Variants in ACAN observed in about 807,000 individuals in gnomAD.
ACAN encodes aggrecan.
In ACAN, 47 loss-of-function variants were observed where a neutral mutation model predicts 169.1. The ratio of observed to expected loss-of-function variants is 0.28; its 90% confidence interval spans 0.22 to 0.35. ACAN has a LOEUF of 0.35. Ranked by LOEUF, ACAN falls within the 10% of genes least tolerant of loss-of-function variation. The pLI is 1.00. For missense variants in ACAN, 2,716 were observed against 2,759.9 expected (o/e 0.98, Z 0.36); for synonymous variants, 1,115 against 1,112.2 (o/e 1.00, Z -0.05).
intron 1 of ACAN, among the ~76,000 whole-genome samples, chr15:88,825,027 T>TGGCCA (rs1896177760): frequency 6.6e-6 from 1 of 152,098 alleles, no homozygotes; most frequent in Admixed American, 6.5e-5. Context: ...TCCAGAAGTG[T>TGGCCA]GTGCTGGAAG....
chr15:88,831,611 C>T (rs886073049), intron 1 of ACAN, among the ~76,000 whole-genome samples: 1 of 152,024 alleles, frequency 6.6e-6, no homozygotes, highest in African/African-American at 2.4e-5. Context: ...CAGCAGCTAC[C>T]TTGTGAAGTT....
In ACAN at chr15:88,851,373, AGATGC is replaced by A; in HGVS notation, c.2027-420_2027-416del. On this transcript the variant is annotated intron_variant, in intron 10 of 18. Coordinates refer to ENST00000560601, the MANE Select transcript of ACAN (RefSeq NM_001369268.1). This position sits in a 1 kb window ranked among gnomAD's most constrained non-coding sequence, Gnocchi z 4.3. ...AGTTGAGAGCGTGGAGTCTGGTACC[AGATGC>A]TTAAATTCAAAGACTAGATCTGACA... 1 of 162,714 alleles carries A rather than the reference AGATGC, an allele frequency of 6.1e-6. No homozygotes were observed. The allele number at this position is 162,714 out of a possible 1,614,324, so 10.1% of individuals were successfully genotyped here.
In ACAN at chr15:88,851,691, G is replaced by T; in HGVS notation, c.2027-103G>T. 7.2e-7 allele frequency: 1 copy of T among 1,392,134 alleles called. No homozygotes were observed. The highest frequency in any genetic ancestry group is 1.5e-5 in the South Asian group (1 of 64,732). 86.2% of individuals were successfully genotyped at this position (1,392,134 alleles called of 1,614,324 possible). On this transcript the variant is annotated intron_variant, in intron 10 of 18. Transcript: ENST00000560601. This position sits in a 1 kb window ranked among gnomAD's most constrained non-coding sequence, Gnocchi z 4.3. ...GCCATCTGCTGAACTAGGAGGTGGG[G>T]CCTGGCCACCTCAGAGTCCCCTAGC...
Position 88,855,188 on chromosome 15 carries a change from G to A in ACAN, c.2603G>A (p.Gly868Asp), listed in dbSNP as rs372878138. 6.8e-6 allele frequency: 11 copies of A among 1,607,652 alleles called. No homozygotes were observed. The highest frequency in any genetic ancestry group is 1.7e-4 in the Middle Eastern group (1 of 6,054). Residue 868 changes from glycine (G) to aspartate (D), a missense_variant, in exon 12 of 19, where the codon GGT becomes GAT. Gly to Asp is a moderately conservative substitution (Grantham distance 94). This residue lies in a region of ACAN where 1,283 missense variants were observed against 1,281.5 expected (regional missense o/e 1.00). Transcript: ENST00000560601. Reference sequence around the variant, plus strand: ...GAATCTGGGGCCCCTGATGTCAGTGGTGACTTCACAGGCAGTGGAGATGTT... The same window carrying A: ...GAATCTGGGGCCCCTGATGTCAGTGATGACTTCACAGGCAGTGGAGATGTT... The part of the protein sequence containing the change: ...GEESGAPDVS[G>D]DFTGSGDVSG...
Position 88,839,118 on chromosome 15 carries a change from C to T in ACAN, c.454+72C>T, listed in dbSNP as rs780235394. 1.9e-5 allele frequency: 29 copies of T among 1,549,396 alleles called. No homozygotes were observed. The highest frequency in any genetic ancestry group is 2.4e-5 in the Non-Finnish European group (28 of 1,153,516). On this transcript the variant is annotated intron_variant, in intron 3 of 18. Transcript: ENST00000560601. This position sits in a 1 kb window ranked among gnomAD's most constrained non-coding sequence, Gnocchi z 4.5. ...ACCAGAGCAGTCTCCGCAGTGCAGGCGCAGGCAGGCTGGCCTTCAAACCAG... is the reference window on the plus strand; with the variant it reads ...ACCAGAGCAGTCTCCGCAGTGCAGGTGCAGGCAGGCTGGCCTTCAAACCAG...
chr15:88,843,449 C>G lies in ACAN; in HGVS notation c.852C>G (p.Gly284=). 2 of 1,610,516 alleles carry G rather than the reference C, an allele frequency of 1.2e-6. No individual in the cohort carries two copies. Among genetic ancestry groups the G allele is most frequent in the Non-Finnish European group, 1.7e-6 (2 of 1,178,010 alleles). Residue 284 remains glycine, a synonymous_variant, in exon 6 of 19, where the codon GGC becomes GGG. Coordinates refer to ENST00000560601, the MANE Select transcript of ACAN (RefSeq NM_001369268.1). This position sits in a 1 kb window ranked among gnomAD's most constrained non-coding sequence, Gnocchi z 4.0. ...RRLGARLATT[G]QLYLAWQAGM... Reference sequence around the variant, plus strand: ...TGGGTGCCCGGCTGGCCACCACGGGCCAGCTCTACCTGGCCTGGCAGGCTG... The same window carrying G: ...TGGGTGCCCGGCTGGCCACCACGGGGCAGCTCTACCTGGCCTGGCAGGCTG...
chr15:88,849,072 C>T lies in ACAN; in HGVS notation c.1733-366C>T, dbSNP rs1285155980. ...GGGTGCAAAGGGATTGGAGGGGGCCCAGGCGAGCTGCCTCGCTTAGCCAAG... is the reference window on the plus strand; with the variant it reads ...GGGTGCAAAGGGATTGGAGGGGGCCTAGGCGAGCTGCCTCGCTTAGCCAAG... On this transcript the variant is annotated intron_variant, in intron 9 of 18. Transcript: ENST00000560601. The surrounding 1 kb of genome is among the most constrained non-coding windows in gnomAD (Gnocchi z 5.1). Among the ~76,000 whole-genome samples the T allele has an allele frequency of 6.6e-6, 1 of 152,178 alleles. No individual in the cohort carries two copies. The highest frequency in any genetic ancestry group is 1.5e-5 in the Non-Finnish European group (1 of 68,030).
In ACAN at chr15:88,838,814, G is replaced by A; in HGVS notation, c.222G>A (p.Lys74=). The A allele has an allele frequency of 1.2e-6, 2 of 1,614,032 alleles. No homozygotes were observed. Among genetic ancestry groups the A allele is most frequent in the Non-Finnish European group, 1.7e-6 (2 of 1,179,896 alleles). The part of the protein sequence containing the change: ...PSTAPLAPRI[K]WSRVSKEKEV... ...CCGCCCCACTGGCCCCAAGAATCAA[G>A]TGGAGCCGTGTGTCCAAGGAGAAGG... Residue 74 remains lysine (K), a synonymous_variant, in exon 3 of 19, where the codon AAG becomes AAA. Transcript: ENST00000560601. This position sits in a 1 kb window ranked among gnomAD's most constrained non-coding sequence, Gnocchi z 5.1.
At chr15:88,825,111 G>T (rs1896180407) in intron 1 of ACAN, among the ~76,000 whole-genome samples, 1 of 152,174 alleles carries the variant, frequency 6.6e-6, no homozygotes, top group African/African-American at 2.4e-5. Flanking sequence ...ATGTGGCGGG[G>T]TTGAGGGTTT....
In ACAN at chr15:88,839,878, G is replaced by C. The variant is rs1296850974; in HGVS notation, c.455-134G>C. The C allele has an allele frequency of 1.0e-6, 1 of 998,520 alleles. No individual in the cohort carries two copies. The highest frequency in any genetic ancestry group is 1.5e-6 in the Non-Finnish European group (1 of 678,370). The allele number at this position is 998,520 out of a possible 1,614,324, so 61.9% of individuals were successfully genotyped here. On this transcript the variant is annotated intron_variant, in intron 3 of 18. Transcript: ENST00000560601. This position sits in a 1 kb window ranked among gnomAD's most constrained non-coding sequence, Gnocchi z 4.5. ...AGGATCACGTGCAAAGGTGTACAGGGAGTCATGCATCAGCCCAGACCAGCC... is the reference window on the plus strand; with the variant it reads ...AGGATCACGTGCAAAGGTGTACAGGCAGTCATGCATCAGCCCAGACCAGCC...
chr15:88,855,159 G>A lies in ACAN; in HGVS notation c.2574G>A (p.Gly858=), dbSNP rs2141602982. The A allele has an allele frequency of 6.2e-7, 1 of 1,609,184 alleles. No homozygotes were observed. Among genetic ancestry groups the A allele is most frequent in the Non-Finnish European group, 8.5e-7 (1 of 1,176,908 alleles). The change falls in exon 12 of 19, where the codon GGG becomes GGA. Residue 858 remains glycine, a synonymous_variant. Coordinates refer to ENST00000560601, the MANE Select transcript of ACAN (RefSeq NM_001369268.1). ...GCTGGACTGAGCTGCCCAGCTCTGG[G>A]GAGGAATCTGGGGCCCCTGATGTCA... is the stretch of plus-strand genomic sequence containing the variant. ...VPSWTELPSS[G]EESGAPDVSG... is the part of the protein sequence containing the mutation.
Position 88,839,910 on chromosome 15 carries a change from C to A in ACAN, c.455-102C>A. Reference sequence around the variant, plus strand: ...GCATCAGCCCAGACCAGCCAGTTCCCTAAGGTCCCTTTGACTATTGCCATA... The same window carrying A: ...GCATCAGCCCAGACCAGCCAGTTCCATAAGGTCCCTTTGACTATTGCCATA... On this transcript the variant is annotated intron_variant, in intron 3 of 18. Coordinates refer to ENST00000560601, the MANE Select transcript of ACAN (RefSeq NM_001369268.1). This position sits in a 1 kb window ranked among gnomAD's most constrained non-coding sequence, Gnocchi z 4.5. The A allele has an allele frequency of 7.1e-7, 1 of 1,409,424 alleles. No homozygotes were observed. Among genetic ancestry groups the A allele is most frequent in the African/African-American group, 1.4e-5 (1 of 70,600 alleles). 87.3% of individuals were successfully genotyped at this position (1,409,424 alleles called of 1,614,324 possible). A position where few individuals can be genotyped will look rare whatever the true frequency, so the allele number is the denominator to read the frequency against.
In ACAN at chr15:88,874,357, C is replaced by G; in HGVS notation, c.7631-48C>G. ...CTGGGGAGAGCCTGGGCTCGCCCCA[C>G]TTTCTTTCCAGGTCCACTGATATCT... On this transcript the variant is annotated intron_variant, in intron 18 of 18. Transcript: ENST00000560601. The surrounding 1 kb of genome is among the most constrained non-coding windows in gnomAD (Gnocchi z 7.3). 6.5e-7 allele frequency: 1 copy of G among 1,529,276 alleles called. No homozygotes were observed. The highest frequency in any genetic ancestry group is 1.9e-5 in the Admixed American group (1 of 52,202). 94.7% of individuals were successfully genotyped at this position (1,529,276 alleles called of 1,614,324 possible).
intron 1 of ACAN, among the ~76,000 whole-genome samples, chr15:88,821,248 T>C (rs980486410): frequency 2.0e-5 from 3 of 152,110 alleles, no homozygotes; most frequent in Admixed American, 6.5e-5. Context: ...CATGCGATCC[T>C]CCTACCTCAG....
At chr15:88,811,403 G>A (rs557619577) in intron 1 of ACAN, among the ~76,000 whole-genome samples, 3 of 152,330 alleles carry the variant, frequency 2.0e-5, no homozygotes, top group South Asian at 2.1e-4. Flanking sequence ...GGGGCAAGGG[G>A]AGACCCCACC....
rs745961803 is a variant in ACAN, at chr15:88,845,668, C to T, written c.1215C>T (p.Phe405=). 10 of 1,613,944 alleles carry T rather than the reference C, an allele frequency of 6.2e-6. No homozygotes were observed. The highest frequency in any genetic ancestry group is 1.6e-4 in the Middle Eastern group (1 of 6,084). The change falls in exon 7 of 19, where the codon TTC becomes TTT. Residue 405 remains phenylalanine, a synonymous_variant. Coordinates refer to ENST00000560601, the MANE Select transcript of ACAN (RefSeq NM_001369268.1). ...TGATCCTTACCGTAAAGCCCATCTT[C>T]GAGGTCTCCCCCAGTCCCCTGGAAC... ...GSVILTVKPI[F]EVSPSPLEPE...
At position 88,855,373 on chromosome 15, in the gene ACAN, A is replaced by G; in HGVS notation, c.2788A>G (p.Ser930Gly). 1.2e-6 allele frequency: 2 copies of G among 1,612,898 alleles called. No individual in the cohort carries two copies. The highest frequency in any genetic ancestry group is 1.7e-6 in the Non-Finnish European group (2 of 1,179,196). The change falls in exon 12 of 19, where the codon AGC (serine) becomes GGC (glycine). Residue 930 changes from serine (S) to glycine (G), a missense_variant. Physicochemically the swap from Ser to Gly is moderately conservative, Grantham distance 56. Transcript: ENST00000560601. The stretch of plus-strand genomic sequence containing the variant: ...GGATGAAGAGAGAATTGAGTGGCCC[A>G]GCACTCCTACGGTTGGTGAACTGCC... ...SGDEERIEWP[S>G]TPTVGELPSG...
rs1451055083 is a variant in ACAN at position 88,859,278 on chromosome 15, G to A, written c.6693G>A (p.Glu2231=). 5.6e-6 allele frequency: 9 copies of A among 1,613,696 alleles called. No individual in the cohort carries two copies. Among genetic ancestry groups the A allele is most frequent in the Non-Finnish European group, 7.6e-6 (9 of 1,179,816 alleles). The change falls in exon 12 of 19, where the codon GAG becomes GAA. Residue 2231 remains glutamate, a synonymous_variant. Coordinates refer to ENST00000560601, the MANE Select transcript of ACAN (RefSeq NM_001369268.1). ...CCCAGCAGACCCAGCGCCCTGCAGA[G>A]ACGCATCTAGAAATTGAGTCCTCAA... The part of the protein sequence containing the change: ...EWTQQTQRPA[E]THLEIESSSL...
intron 11 of ACAN, among the ~76,000 whole-genome samples, chr15:88,854,095 T>C (rs1244466433): frequency 6.6e-6 from 1 of 152,252 alleles, no homozygotes; most frequent in East Asian, 1.9e-4. Context: ...ATTGTGGGGT[T>C]TCCTTTTTTC....
Sources: allele counts gnomAD v4.1 joint callset (sites outside exome capture counted in the v4.1 genomes callset), GRCh38; gene constraint gnomAD v4.1.1; regional missense constraint gnomAD v4.1.1; non-coding constraint Gnocchi (gnomAD v3.1); transcripts MANE v1.5; gene names NCBI Gene and HGNC (gene_info 2026-07-23, HGNC 2026-07-21).